Variants in KIAA1217 observed in about 807,000 individuals in gnomAD.
KIAA1217 encodes the protein KIAA1217, also known as sickle tail protein homolog.
In KIAA1217, 88 loss-of-function variants were observed where a neutral mutation model predicts 163.9. That is an observed-to-expected ratio of 0.54 (90% CI 0.45 to 0.64). KIAA1217 has a LOEUF of 0.64. Ranked by LOEUF, KIAA1217 falls within the 30% of genes least tolerant of loss-of-function variation. The probability of loss-of-function intolerance (pLI) is 0.00; values close to 1 mark genes in which losing one functional copy is unlikely to be tolerated. For synonymous variants in KIAA1217, 903 were observed against 923.1 expected (o/e 0.98, Z 0.39); for missense variants, 2,372 against 2,475.0 (o/e 0.96, Z 0.88).
At chr10:24,364,080 G>A (rs551192798) in intron 2 of KIAA1217, among the ~76,000 whole-genome samples, 16 of 151,760 alleles carry the variant, frequency 1.1e-4, no homozygotes, top group Middle Eastern at 3.4e-3. Flanking sequence ...CCAGGTTCAA[G>A]TCATTCTTCT....
chr10:24,039,398 T>C (rs1037591492), intron 2 of KIAA1217, among the ~76,000 whole-genome samples: 1 of 152,132 alleles, frequency 6.6e-6, no homozygotes, highest in African/African-American at 2.4e-5. Flanking sequence ...TGAAATGTGG[T>C]CGATTCCCAG....
At chr10:24,414,792 T>G (rs1354521478) in intron 3 of KIAA1217, among the ~76,000 whole-genome samples, 3 of 152,136 alleles carry the variant, frequency 2.0e-5, no homozygotes, top group Non-Finnish European at 4.4e-5. Context: ...TTCTTTATTG[T>G]GTGATCTTGT....
chr10:23,890,690 G>C (rs1274120599), intron 1 of KIAA1217, among the ~76,000 whole-genome samples: 1 of 151,922 alleles, frequency 6.6e-6, no homozygotes, highest in Non-Finnish European at 1.5e-5. Flanking sequence ...ATGAGCAGTT[G>C]ATGTGCCATT....
intron 2 of KIAA1217, among the ~76,000 whole-genome samples, chr10:24,345,181 G>A (rs2047571908): frequency 1.3e-5 from 2 of 152,286 alleles, no homozygotes; most frequent in Non-Finnish European, 2.9e-5. Flanking sequence ...CATTGAAAAT[G>A]AACTTCATTT....
chr10:23,953,344 A>T (rs530132912), intron 1 of KIAA1217, among the ~76,000 whole-genome samples: 1 of 152,360 alleles, frequency 6.6e-6, no homozygotes, highest in South Asian at 2.1e-4. Flanking sequence ...TGTCTCAGGA[A>T]TCCAGGGTCC....
intron 2 of KIAA1217, among the ~76,000 whole-genome samples, chr10:24,087,491 T>C (rs780009295): frequency 3.9e-5 from 6 of 152,226 alleles, no homozygotes; most frequent in African/African-American, 1.4e-4. Flanking sequence ...GGTTTTATTA[T>C]TGTGGTTCTT....
chr10:24,484,241 A>ATATATATATATATATTTTTTTTTTTT (rs1376083298), intron 6 of KIAA1217, among the ~76,000 whole-genome samples: 6 of 75,152 alleles, frequency 8.0e-5, no homozygotes, highest in Admixed American at 1.8e-4. Flanking sequence ...ATATATATAT[A>ATATATATATATATATTTTTTTTTTTT]TTTTTTTTTT....
chr10:24,507,043 G>A (rs1263312554), intron 9 of KIAA1217, among the ~76,000 whole-genome samples: 3 of 152,172 alleles, frequency 2.0e-5, no homozygotes, highest in Admixed American at 6.6e-5. Context: ...AGCAAAAAGC[G>A]AAGAGGCCTT....
chr10:23,793,883 G>C (rs1016390595), intron 1 of KIAA1217, among the ~76,000 whole-genome samples: 1 of 152,112 alleles, frequency 6.6e-6, no homozygotes, highest in Non-Finnish European at 1.5e-5. Context: ...ATTTCATTTT[G>C]ACCTTTTCTC....
chr10:24,521,742 C>G (rs1234346002), intron 11 of KIAA1217, 40 bp from the exon 12 acceptor site: 3 of 1,596,190 alleles, frequency 1.9e-6, no homozygotes, highest in Non-Finnish European at 2.6e-6. Context: ...GTCGTTCTGG[C>G]TTTTTCTCCT....
intron 1 of KIAA1217, among the ~76,000 whole-genome samples, chr10:23,951,801 A>G (rs1844348769): frequency 6.6e-6 from 1 of 152,204 alleles, no homozygotes; most frequent in African/African-American, 2.4e-5. Context: ...CAAATGGAAA[A>G]TGGTGACTGT....
Position 24,225,071 on chromosome 10 carries a change from C to T in KIAA1217, c.354+5162C>T, listed in dbSNP as rs181530219. Among the ~76,000 whole-genome samples, 397 of 151,914 alleles carry T rather than the reference C, an allele frequency of 2.6e-3. 3 individuals are homozygous for T. The highest frequency in any genetic ancestry group is 8.7e-3 in the African/African-American group (359 of 41,440). On this transcript the variant is annotated intron_variant, in intron 2 of 20. Coordinates refer to ENST00000376454, the MANE Select transcript of KIAA1217 (RefSeq NM_019590.5). ...CGATCTCCTGACATTGTGATCTGCCCGCCTTGGCCTCCCAAAGTGCTGGGA... is the reference window on the plus strand; with the variant it reads ...CGATCTCCTGACATTGTGATCTGCCTGCCTTGGCCTCCCAAAGTGCTGGGA...
chr10:24,294,187 CAAAAA>C (rs371110913), intron 2 of KIAA1217, among the ~76,000 whole-genome samples: 33 of 55,104 alleles, frequency 6.0e-4, no homozygotes, highest in South Asian at 1.4e-3. Context: ...GACTCCGTCT[CAAAAA>C]AAAAAAAAAA....
At chr10:24,250,212 T>C (rs1404464625) in intron 2 of KIAA1217, among the ~76,000 whole-genome samples, 1 of 152,162 alleles carries the variant, frequency 6.6e-6, no homozygotes, top group Admixed American at 6.5e-5. Context: ...GAAAGCCGCA[T>C]ACATAGATCA....
chr10:24,288,012 A>C (rs2132377347), intron 2 of KIAA1217, among the ~76,000 whole-genome samples: 1 of 152,328 alleles, frequency 6.6e-6, no homozygotes, highest in Non-Finnish European at 1.5e-5. Context: ...AGAAGAACTG[A>C]GCTGGCAGAA....
chr10:24,473,151 C>A, intron 5 of KIAA1217, 77 bp from the exon 6 acceptor site: 1 of 1,002,966 alleles, frequency 1.0e-6, no homozygotes, highest in East Asian at 2.4e-5. Flanking sequence ...CAGGGGAAGT[C>A]ACACGGTTAC....
At chr10:23,913,415 C>CAA (rs57060774) in intron 1 of KIAA1217, among the ~76,000 whole-genome samples, 2 of 146,692 alleles carry the variant, frequency 1.4e-5, no homozygotes, top group African/African-American at 2.5e-5. Context: ...TTTTCTGTTC[C>CAA]AAAAAAAAAA....
At chr10:24,056,904 T>A (rs2060550192) in intron 2 of KIAA1217, among the ~76,000 whole-genome samples, 1 of 152,104 alleles carries the variant, frequency 6.6e-6, no homozygotes, top group South Asian at 2.1e-4. Flanking sequence ...AATGTAATAA[T>A]TAAAGGTTGT....
intron 2 of KIAA1217, among the ~76,000 whole-genome samples, chr10:24,250,811 C>T (rs571884797): frequency 3.4e-5 from 5 of 148,390 alleles, no homozygotes; most frequent in African/African-American, 9.9e-5. Flanking sequence ...TAGATTGGGC[C>T]GGGTGCAGTG....
Sources: allele counts gnomAD v4.1 joint callset (sites outside exome capture counted in the v4.1 genomes callset), GRCh38; gene constraint gnomAD v4.1.1; transcripts MANE v1.5; gene names NCBI Gene and HGNC (gene_info 2026-07-23, HGNC 2026-07-21).